The following VEZT variants were observed in gnomAD, a reference collection of about 807,000 sequenced individuals.
VEZT encodes the protein vezatin.
VEZT carries 39 observed loss-of-function variants against 79.9 expected under a neutral mutation model. That is an observed-to-expected ratio of 0.49 (90% CI 0.38 to 0.64). The LOEUF is 0.64. Ranked by LOEUF, VEZT falls within the 30% of genes least tolerant of loss-of-function variation. The pLI, the probability that VEZT is intolerant of heterozygous loss-of-function variation, is 0.00. For synonymous variants in VEZT, 325 were observed against 327.6 expected, an observed-to-expected ratio of 0.99 and a Z score of 0.09; for missense variants, 837 against 893.1, an observed-to-expected ratio of 0.94 and a Z score of 0.80.
chr12:95,264,105 C>A (rs1047983801), intron 4 of VEZT, among the ~76,000 whole-genome samples: 1 of 152,158 alleles, frequency 6.6e-6, no homozygotes, highest in East Asian at 1.9e-4. Context: ...CAGTTACATT[C>A]ATTGGCCTCA....
At chr12:95,251,770 T>G (rs997990556) in intron 1 of VEZT, among the ~76,000 whole-genome samples, 170 bp from the exon 2 acceptor site, 4 of 152,218 alleles carry the variant, frequency 2.6e-5, no homozygotes, top group Non-Finnish European at 4.4e-5. Flanking sequence ...TGTTGATTTG[T>G]TTGTGTTAAA....
rs1038520936 is a variant in VEZT at position 95,300,500 on chromosome 12, A to G, written c.2167A>G (p.Lys723Glu). 1.2e-6 allele frequency: 2 copies of G among 1,613,850 alleles called. No individual in the cohort carries two copies. Among genetic ancestry groups the G allele is most frequent in the Admixed American group, 1.7e-5 (1 of 59,996 alleles). Residue 723 changes from lysine (K) to glutamate (E), a missense_variant, in exon 12 of 12, where the codon AAG becomes GAG. Lys to Glu is a moderately conservative substitution (Grantham distance 56). Coordinates refer to ENST00000436874, the MANE Select transcript of VEZT (RefSeq NM_017599.4). ...TPRDSLQPSI[K>E]QRLARLQLSP... ...CAGGGACTCATTACAGCCCTCCATTAAGCAGAGGCTGGCACGGCTACAGCT... is the reference window on the plus strand; with the variant it reads ...CAGGGACTCATTACAGCCCTCCATTGAGCAGAGGCTGGCACGGCTACAGCT...
intron 1 of VEZT, among the ~76,000 whole-genome samples, chr12:95,234,348 C>T (rs1485359121): frequency 6.8e-6 from 1 of 147,394 alleles, no homozygotes; most frequent in African/African-American, 2.5e-5. Context: ...AGTGCAATGG[C>T]GCGATCTGGG....
chr12:95,286,517 C>A, intron 8 of VEZT: 2 of 545,658 alleles, frequency 3.7e-6, no homozygotes, highest in South Asian at 2.9e-5. Flanking sequence ...CTTGGTTTGT[C>A]AACAGCATCT....
intron 1 of VEZT, among the ~76,000 whole-genome samples, chr12:95,223,212 A>T (rs2057893147): frequency 6.6e-6 from 1 of 152,204 alleles, no homozygotes; most frequent in Non-Finnish European, 1.5e-5. Flanking sequence ...GTACTAAATG[A>T]TTTAATATAA....
intron 3 of VEZT, among the ~76,000 whole-genome samples, chr12:95,259,358 TTTTC>T (rs1384822018): frequency 6.6e-6 from 1 of 152,222 alleles, no homozygotes; most frequent in Non-Finnish European, 1.5e-5. Context: ...CAACGTGTGC[TTTTC>T]TTTATTGTTT....
chr12:95,281,874 G>A (rs897622814), intron 7 of VEZT, among the ~76,000 whole-genome samples: 1 of 151,850 alleles, frequency 6.6e-6, no homozygotes, highest in Non-Finnish European at 1.5e-5. Context: ...CCTAGGGCAA[G>A]GTAATAGTCT....
intron 5 of VEZT, among the ~76,000 whole-genome samples, chr12:95,267,718 T>C (rs1388917634): frequency 1.3e-5 from 2 of 152,208 alleles, no homozygotes; most frequent in African/African-American, 4.8e-5. Context: ...TTCTCTTTCT[T>C]CTCAATCAAA....
At chr12:95,233,566 A>AT (rs1250858686) in intron 1 of VEZT, among the ~76,000 whole-genome samples, 1 of 151,628 alleles carries the variant, frequency 6.6e-6, no homozygotes, top group Admixed American at 6.6e-5. Context: ...CGCCTGGCTA[A>AT]TTTTTTTGTA....
At chr12:95,284,604 A>G (rs2070116002) in intron 8 of VEZT, among the ~76,000 whole-genome samples, 2 of 152,234 alleles carry the variant, frequency 1.3e-5, no homozygotes, top group South Asian at 4.1e-4. Context: ...GTCTGTTTCT[A>G]TCTTTAATTC....
At position 95,227,334 on chromosome 12, in the gene VEZT, CTTTTTTT is replaced by C. The variant is rs62891361; in HGVS notation, c.36+9460_36+9466del. ...TGCCATCATGCCCTACTAATTTTTT[CTTTTTTT>C]TTTTTTTTTTTGAGATGGAATTTTG... On this transcript the variant is annotated intron_variant, in intron 1 of 11. Transcript: ENST00000436874. Among the ~76,000 whole-genome samples, 4 of 126,092 alleles carry C rather than the reference CTTTTTTT, an allele frequency of 3.2e-5. No homozygotes were observed. In the South Asian group the frequency reaches 1.1e-3, roughly 34 times the overall value. 82.7% of individuals were successfully genotyped at this position (126,092 alleles called of 152,430 possible).
rs184302617 is a variant in VEZT, at chr12:95,252,080, G to A, written c.168+9G>A. 1.7e-5 allele frequency: 27 copies of A among 1,598,484 alleles called. No homozygotes were observed. The East Asian group carries it at 3.4e-4, about 20-fold the overall frequency. On this transcript the variant is annotated intron_variant, in intron 2 of 11. Coordinates refer to ENST00000436874, the MANE Select transcript of VEZT (RefSeq NM_017599.4). ...CAAGAGTCCTACCAAAAGTAAGAAC[G>A]CATGCTCATTCTTTCTGGCCGAATC... is the stretch of plus-strand genomic sequence containing the variant.
At chr12:95,230,009 G>A (rs575223429) in intron 1 of VEZT, among the ~76,000 whole-genome samples, 1 of 150,264 alleles carries the variant, frequency 6.7e-6, no homozygotes, top group African/African-American at 2.5e-5. Flanking sequence ...GGAGGCTGAC[G>A]TAGGAGAATT....
At chr12:95,263,550 C>G (rs2064939271) in intron 4 of VEZT, among the ~76,000 whole-genome samples, 1 of 152,002 alleles carries the variant, frequency 6.6e-6, no homozygotes, top group Non-Finnish European at 1.5e-5. Context: ...CCTTGGGAGA[C>G]TGATATGGGA....
chr12:95,233,582 A>G (rs1030689677), intron 1 of VEZT, among the ~76,000 whole-genome samples: 1 of 151,762 alleles, frequency 6.6e-6, no homozygotes, highest in South Asian at 2.1e-4. Context: ...TTGTATTTTT[A>G]GTACACACAA....
At chr12:95,274,718 T>C in intron 6 of VEZT, 24 bp from the exon 7 acceptor site, 2 of 1,598,080 alleles carry the variant, frequency 1.3e-6, no homozygotes, top group Non-Finnish European at 1.7e-6. Context: ...AAAGGCTTTG[T>C]TGATTGCCTT....
At chr12:95,270,949 C>T (rs2066472365) in intron 6 of VEZT, among the ~76,000 whole-genome samples, 1 of 152,156 alleles carries the variant, frequency 6.6e-6, no homozygotes, top group South Asian at 2.1e-4. Flanking sequence ...TTTGCCACTT[C>T]AGAATGCTGG....
intron 9 of VEZT, chr12:95,293,566 AC>A (rs1566323351): frequency 6.6e-6 from 1 of 152,094 alleles, no homozygotes; most frequent in African/African-American, 2.4e-5. Flanking sequence ...TCCAATTCCA[AC>A]CTCTGAGTGT....
At chr12:95,227,060 A>G (rs1218574249) in intron 1 of VEZT, among the ~76,000 whole-genome samples, 1 of 152,250 alleles carries the variant, frequency 6.6e-6, no homozygotes, top group Non-Finnish European at 1.5e-5. Context: ...AGCATGAAAT[A>G]CCAAGATTGT....
Sources: allele counts gnomAD v4.1 joint callset (sites outside exome capture counted in the v4.1 genomes callset), GRCh38; gene constraint gnomAD v4.1.1; transcripts MANE v1.5; gene names NCBI Gene and HGNC (gene_info 2026-07-23, HGNC 2026-07-21).